IFT74: variants seen among roughly 807,000 people sequenced by gnomAD.
The protein encoded by IFT74 is intraflagellar transport 74.
IFT74 carries 92 observed loss-of-function variants against 96.7 expected under a neutral mutation model. That is an observed-to-expected ratio of 0.95 (90% CI 0.80 to 1.13). IFT74 has a LOEUF of 1.13. IFT74 is among the 50% of genes most tolerant of loss of function. IFT74 has a pLI of 0.00. For synonymous variants in IFT74, 223 were observed against 213.2 expected (o/e 1.05, Z -0.40); for missense variants, 811 against 698.2 (o/e 1.16, Z -1.82).
intron 12 of IFT74, 21 bp downstream of exon 12, chr9:27,018,708 ACATTTTACATC>A: frequency 7.0e-7 from 1 of 1,419,578 alleles, no homozygotes; most frequent in East Asian, 2.3e-5. Flanking sequence ...TTATACTAGG[ACATTTTACATC>A]CATTTCTCAC....
chr9:27,012,681 T>A (rs1829141925), intron 10 of IFT74, among the ~76,000 whole-genome samples: 1 of 150,504 alleles, frequency 6.6e-6, no homozygotes, highest in African/African-American at 2.4e-5. Context: ...TTAAAAATAG[T>A]TGAACAAGAG....
At chr9:27,048,572 C>T (rs1275762542) in intron 16 of IFT74, among the ~76,000 whole-genome samples, 8 of 152,124 alleles carry the variant, frequency 5.3e-5, no homozygotes, top group Non-Finnish European at 1.0e-4. Context: ...AGTAATACAG[C>T]GTGGCAGTAA....
intron 14 of IFT74, among the ~76,000 whole-genome samples, chr9:27,047,012 A>C (rs554265166): frequency 2.6e-5 from 4 of 152,064 alleles, no homozygotes; most frequent in African/African-American, 9.7e-5. Context: ...GTCTCTGGTA[A>C]AAATACAAAA....
intron 9 of IFT74, among the ~76,000 whole-genome samples, chr9:27,010,716 C>G (rs1435321403): frequency 8.3e-6 from 1 of 119,862 alleles, no homozygotes; most frequent in Non-Finnish European, 1.9e-5. Flanking sequence ...GATCCGCCCC[C>G]CTCGGCTTCC....
chr9:27,040,986 C>T (rs181279877), intron 13 of IFT74, among the ~76,000 whole-genome samples: 17 of 152,210 alleles, frequency 1.1e-4, no homozygotes, highest in Admixed American at 2.0e-4. Context: ...ATTGGCAGTG[C>T]AAGAAGAGCA....
chr9:26,995,043 A>T (rs1828069233), intron 8 of IFT74: 2 of 152,278 alleles, frequency 1.3e-5, no homozygotes, highest in Non-Finnish European at 2.9e-5. Flanking sequence ...TTCCAACTCT[A>T]TGATTTTATT....
At chr9:27,048,374 TG>T in intron 16 of IFT74, 100 bp downstream of exon 16, 1 of 772,064 alleles carries the variant, frequency 1.3e-6, no homozygotes, top group Non-Finnish European at 2.0e-6. Context: ...CTATAATTTA[TG>T]ATTGCCTATT....
intron 9 of IFT74, among the ~76,000 whole-genome samples, chr9:27,010,132 C>T (rs1257868725): frequency 6.6e-6 from 1 of 151,608 alleles, no homozygotes; most frequent in Non-Finnish European, 1.5e-5. Context: ...GCACTACAGG[C>T]GCCCGCCACC....
chr9:27,013,803 A>C (rs1829221340), intron 10 of IFT74, among the ~76,000 whole-genome samples: 1 of 152,192 alleles, frequency 6.6e-6, no homozygotes, highest in Admixed American at 6.5e-5. Context: ...TCATGATGAC[A>C]GTATTAGGAA....
chr9:27,014,487 T>C (rs1343914092), intron 10 of IFT74, among the ~76,000 whole-genome samples: 1 of 152,232 alleles, frequency 6.6e-6, no homozygotes, highest in East Asian at 1.9e-4. Context: ...ACTGATGCCG[T>C]TCTTCTCTGA....
In IFT74 at chr9:27,047,331, T is replaced by G. The variant is rs779326799; in HGVS notation, c.1166T>G (p.Ile389Arg). The change falls in exon 15 of 20, where the codon ATA becomes AGA. Residue 389 changes from isoleucine to arginine, a missense_variant. Physicochemically the swap from Ile to Arg is moderately conservative, Grantham distance 97. Coordinates refer to ENST00000380062, the MANE Select transcript of IFT74 (RefSeq NM_025103.4). Reference sequence around the variant, plus strand: ...CAGGAACTGAAACGAAAGGCACAGATAGAAGCCAACATTGTTGCACTCTTG... The same window carrying G: ...CAGGAACTGAAACGAAAGGCACAGAGAGAAGCCAACATTGTTGCACTCTTG... ...KNQELKRKAQ[I>R]EANIVALLEH... 1 of 1,613,546 alleles carries G rather than the reference T, an allele frequency of 6.2e-7. No individual in the cohort carries two copies. Among genetic ancestry groups the G allele is most frequent in the South Asian group, 1.1e-5 (1 of 91,028 alleles).
intron 2 of IFT74, among the ~76,000 whole-genome samples, chr9:26,963,023 A>G (rs548597226): frequency 6.7e-6 from 1 of 150,320 alleles, no homozygotes; most frequent in East Asian, 1.9e-4. Context: ...TTAGTTACAT[A>G]TGTATACATG....
At chr9:27,050,462 A>G (rs1661993525) in intron 16 of IFT74, among the ~76,000 whole-genome samples, 1 of 152,204 alleles carries the variant, frequency 6.6e-6, no homozygotes, top group Non-Finnish European at 1.5e-5. Context: ...AGTTGAGGTT[A>G]AAGAGACTAG....
intron 13 of IFT74, among the ~76,000 whole-genome samples, chr9:27,036,202 G>A (rs993607407): frequency 6.6e-6 from 1 of 152,172 alleles, no homozygotes; most frequent in Non-Finnish European, 1.5e-5. Context: ...GGAAGAGGAG[G>A]AAGAGTTTGG....
At chr9:27,000,247 G>A (rs1828405430) in intron 8 of IFT74, among the ~76,000 whole-genome samples, 1 of 152,050 alleles carries the variant, frequency 6.6e-6, no homozygotes, top group Non-Finnish European at 1.5e-5. Context: ...TGTCTCATTA[G>A]TTTCTAGATC....
In IFT74 at chr9:27,003,514, C is replaced by G. The variant is rs7026226; in HGVS notation, c.588-5506C>G. On this transcript the variant is annotated intron_variant, in intron 8 of 19. Coordinates refer to ENST00000380062, the MANE Select transcript of IFT74 (RefSeq NM_025103.4). ...CTCCAGCCTGGGTGACAGAGTGAGA[C>G]TCTGTCTCAGAAAAAAAAAAGAAAA... is the stretch of plus-strand genomic sequence containing the variant. Among the ~76,000 whole-genome samples the G allele has an allele frequency of 5.9e-3, 896 of 151,854 alleles. 9 individuals carry two copies. The highest frequency in any genetic ancestry group is 0.021 in the African/African-American group (854 of 41,392).
intron 2 of IFT74, 47 bp from the exon 3 acceptor site, chr9:26,978,081 A>G (rs1482579497): frequency 6.7e-7 from 1 of 1,501,846 alleles, no homozygotes. Context: ...AAAGATGTAC[A>G]GTGTTTTTTC....
rs548048428 is a variant in IFT74 at position 26,990,388 on chromosome 9, AT to A, written c.587+194del. On this transcript the variant is annotated intron_variant, in intron 8 of 19. Coordinates refer to ENST00000380062, the MANE Select transcript of IFT74 (RefSeq NM_025103.4). The stretch of plus-strand genomic sequence containing the variant: ...TTACCATTAAATACCTAAATTCTGT[AT>A]AAAGACTATTGCTACATAGCTTATA... 5.3e-3 allele frequency among the ~76,000 whole-genome samples: 807 copies of A among 152,312 alleles called. 5 individuals carry two copies. The highest frequency in any genetic ancestry group is 8.4e-3 in the Admixed American group (128 of 15,300).
chr9:27,030,965 T>A (rs930460834), intron 13 of IFT74, among the ~76,000 whole-genome samples: 9 of 152,216 alleles, frequency 5.9e-5, no homozygotes, highest in African/African-American at 2.2e-4. Context: ...CAAGGCTTAC[T>A]TCTAACATAT....
Sources: allele counts gnomAD v4.1 joint callset (sites outside exome capture counted in the v4.1 genomes callset), GRCh38; gene constraint gnomAD v4.1.1; transcripts MANE v1.5; gene names NCBI Gene and HGNC (gene_info 2026-07-23, HGNC 2026-07-21).